The following IQANK1 variants were observed in gnomAD, a reference collection of about 807,000 sequenced individuals.
IQANK1 encodes the protein IQ motif and ankyrin repeat containing 1.
In IQANK1, 30 loss-of-function variants were observed where a neutral mutation model predicts 22.6. The ratio of observed to expected loss-of-function variants is 1.33; its 90% CI spans 0.99 to 1.80. The LOEUF is 1.80. Among genes scored for constraint, IQANK1 ranks in the 40% most tolerant of loss-of-function variants. The pLI is 0.00. For missense variants in IQANK1, 275 were observed against 235.2 expected (o/e 1.17, Z -1.11); for synonymous variants, 122 against 99.6 (o/e 1.23, Z -1.34).
chr8:143,750,900 A>C (rs1429443850), intron 3 of IQANK1, among the ~76,000 whole-genome samples: 1 of 152,060 alleles, frequency 6.6e-6, no homozygotes, highest in Non-Finnish European at 1.5e-5. Context: ...TATATATGCC[A>C]TATAACTTTT....
At chr8:143,748,536 TATATA>T in intron 3 of IQANK1, among the ~76,000 whole-genome samples, 1 of 136,056 alleles carries the variant, frequency 7.3e-6, no homozygotes, top group Non-Finnish European at 1.5e-5. Flanking sequence ...ATATATATGA[TATATA>T]ATATATAAAT....
intron 3 of IQANK1, among the ~76,000 whole-genome samples, chr8:143,769,813 G>A (rs570845081): frequency 9.5e-4 from 145 of 152,320 alleles, no homozygotes; most frequent in African/African-American, 3.4e-3. Context: ...TGCTGTCACT[G>A]GGAAGGCTGC....
At chr8:143,764,063 C>A (rs566655341) in intron 3 of IQANK1, among the ~76,000 whole-genome samples, 117 of 152,182 alleles carry the variant, frequency 7.7e-4, no homozygotes, top group African/African-American at 2.7e-3. Context: ...AAGGACCATG[C>A]CTTGTTTAAA....
intron 3 of IQANK1, among the ~76,000 whole-genome samples, chr8:143,746,627 C>T (rs1354822536): frequency 6.6e-6 from 1 of 152,188 alleles, no homozygotes; most frequent in Non-Finnish European, 1.5e-5. Context: ...AGGTGATCCT[C>T]CCACCTTGGT....
rs1554629779 is a variant in IQANK1 at position 143,771,647 on chromosome 8, G to A, written c.306+29G>A. On this transcript the variant is annotated intron_variant, in intron 4 of 13. Transcript: ENST00000527139. The surrounding 1 kb of genome is among the most constrained non-coding windows in gnomAD (Gnocchi z 6.0). Reference sequence around the variant, plus strand: ...AGGACGGGCAGCCGCAACAGCCGGGGGCCAGGCAGGAGGCAGGGGGAGGAA... The same window carrying A: ...AGGACGGGCAGCCGCAACAGCCGGGAGCCAGGCAGGAGGCAGGGGGAGGAA... 5.0e-6 allele frequency: 2 copies of A among 399,866 alleles called. No individual in the cohort carries two copies. The highest frequency in any genetic ancestry group is 8.8e-6 in the Non-Finnish European group (2 of 227,256). The allele number at this position is 399,866 out of a possible 1,614,324, so 24.8% of individuals were successfully genotyped here.
At chr8:143,734,947 A>G (rs1028002245) in intron 1 of IQANK1, among the ~76,000 whole-genome samples, 3 of 149,198 alleles carry the variant, frequency 2.0e-5, no homozygotes, top group Non-Finnish European at 3.0e-5. Flanking sequence ...CCTGCCCTAC[A>G]CTGGATCATC....
chr8:143,764,602 T>TA (rs1389925705), intron 3 of IQANK1, among the ~76,000 whole-genome samples: 4 of 151,762 alleles, frequency 2.6e-5, no homozygotes, highest in Admixed American at 1.3e-4. Context: ...ACCCTGTTTC[T>TA]AAAAAAACCA....
intron 3 of IQANK1, among the ~76,000 whole-genome samples, chr8:143,749,180 TATAA>T (rs1303830981): frequency 8.1e-6 from 1 of 123,550 alleles, no homozygotes; most frequent in African/African-American, 3.3e-5. Context: ...ATATATAATA[TATAA>T]ATATATATCA....
At chr8:143,784,937 G>A (rs1587494838) in intron 7 of IQANK1, among the ~76,000 whole-genome samples, 1 of 152,230 alleles carries the variant, frequency 6.6e-6, no homozygotes, top group Admixed American at 6.5e-5. Context: ...TTTGTTTTGA[G>A]TTTATTCTGG....
At chr8:143,736,065 C>T (rs1818729204) in intron 2 of IQANK1, 127 bp downstream of exon 2, 2 of 635,136 alleles carry the variant, frequency 3.1e-6, no homozygotes, top group East Asian at 2.7e-5. Flanking sequence ...TTTAGGGGAC[C>T]TCTGAGTTGG....
At chr8:143,764,721 G>A (rs1270774995) in intron 3 of IQANK1, among the ~76,000 whole-genome samples, 2 of 152,092 alleles carry the variant, frequency 1.3e-5, no homozygotes, top group African/African-American at 4.8e-5. Flanking sequence ...ATTATGAAGA[G>A]GCAGAAAGAG....
chr8:143,789,883 G>A lies in IQANK1; in HGVS notation c.1195+14G>A. ...AGACGCAGGAGGGTGGGCCTGGCAT[G>A]GGGCGCCGGCTGGGGGCTGGGACAT... On this transcript the variant is annotated intron_variant, in intron 11 of 13. Transcript: ENST00000527139. 8.1e-7 allele frequency: 1 copy of A among 1,231,982 alleles called. No individual in the cohort carries two copies. The highest frequency in any genetic ancestry group is 1.0e-6 in the Non-Finnish European group (1 of 988,014). The allele number at this position is 1,231,982 out of a possible 1,614,324, so 76.3% of individuals were successfully genotyped here.
chr8:143,778,111 C>T (rs571584417), intron 7 of IQANK1, among the ~76,000 whole-genome samples: 14 of 151,932 alleles, frequency 9.2e-5, no homozygotes, highest in African/African-American at 3.1e-4. Context: ...AGGAGAATGG[C>T]GTGAACCCAG....
rs1269548304 is a variant in IQANK1 at position 143,749,527 on chromosome 8, CAT to C, written c.175+9581_175+9582del. On this transcript the variant is annotated intron_variant, in intron 3 of 13. Transcript: ENST00000527139. ...TATAAATATATAAAAATATATATCA[CAT>C]AAAAATATATGATATATATGATATA... Among the ~76,000 whole-genome samples the C allele has an allele frequency of 9.8e-3, 1,269 of 129,280 alleles. 23 individuals are homozygous for C. Among genetic ancestry groups the C allele is most frequent in the African/African-American group, 0.033 (1,160 of 35,586 alleles). 84.8% of individuals were successfully genotyped at this position (129,280 alleles called of 152,430 possible).
chr8:143,772,632 C>T (rs1819604018), intron 7 of IQANK1, 150 bp downstream of exon 7: 1 of 397,022 alleles, frequency 2.5e-6, no homozygotes, highest in Non-Finnish European at 4.4e-6. Context: ...GACCGGCTGT[C>T]TCTGAAAGCT....
intron 3 of IQANK1, chr8:143,744,607 C>G (rs1192485373): frequency 6.6e-6 from 1 of 152,126 alleles, no homozygotes; most frequent in Non-Finnish European, 1.5e-5. Context: ...TTTGCAAAGG[C>G]CAGGCAGGTG....
chr8:143,772,444 C>T lies in IQANK1; in HGVS notation c.751C>T (p.Pro251Ser). The change falls in exon 7 of 14, where the codon CCC becomes TCC. Residue 251 changes from proline (P) to serine (S), a missense_variant. By Grantham distance (74) the Pro-to-Ser change is moderately conservative. Transcript: ENST00000527139. The stretch of plus-strand genomic sequence containing the variant: ...GGTGCTCCTGAAGCTCGGAGCAGAC[C>T]CCCGGGTGTACGCAGAGGACGGGAG... ...VEVLLKLGADPRVYAEDGSTP... is the reference protein window; with the variant it reads ...VEVLLKLGADSRVYAEDGSTP... The T allele has an allele frequency of 5.0e-6, 2 of 399,292 alleles. No homozygotes were observed. The highest frequency in any genetic ancestry group is 8.8e-6 in the Non-Finnish European group (2 of 226,338). 24.7% of individuals were successfully genotyped at this position (399,292 alleles called of 1,614,324 possible). A position where few individuals can be genotyped will look rare whatever the true frequency, so the allele number is the denominator to read the frequency against.
rs537765725 is a variant in IQANK1, at chr8:143,735,353, G to T, written c.-4-497G>T. On this transcript the variant is annotated intron_variant, in intron 1 of 13. Transcript: ENST00000527139. This position sits in a 1 kb window ranked among gnomAD's most constrained non-coding sequence, Gnocchi z 5.2. Reference sequence around the variant, plus strand: ...CCTGACACCACCATCTGCCAGAGCCGGGACCACATAAGGTCTGAGGGTGTG... The same window carrying T: ...CCTGACACCACCATCTGCCAGAGCCTGGACCACATAAGGTCTGAGGGTGTG... 6.6e-6 allele frequency among the ~76,000 whole-genome samples: 1 copy of T among 152,314 alleles called. No individual in the cohort carries two copies. Among genetic ancestry groups the T allele is most frequent in the African/African-American group, 2.4e-5 (1 of 41,582 alleles).
At chr8:143,766,682 A>G (rs1381600653) in intron 3 of IQANK1, among the ~76,000 whole-genome samples, 2 of 147,816 alleles carry the variant, frequency 1.4e-5, no homozygotes, top group African/African-American at 5.2e-5. Context: ...CGAAAAAAAG[A>G]AAAAAAAAAG....
Sources: gnomAD v4.1 joint callset for allele counts (sites outside exome capture counted in the v4.1 genomes callset) on GRCh38, gnomAD v4.1.1 for gene constraint, Gnocchi (gnomAD v3.1) non-coding constraint, MANE v1.5 for transcripts, NCBI Gene and HGNC (gene_info 2026-07-23, HGNC 2026-07-21) for gene names.